TMEM128: variants seen among roughly 807,000 people sequenced by gnomAD.
TMEM128 encodes transmembrane protein 128.
TMEM128 carries 16 observed loss-of-function variants against 19.7 expected under a neutral mutation model. The observed-to-expected ratio is 0.81, with a 90% confidence interval of 0.55 to 1.23. TMEM128 has a LOEUF of 1.23. Ranked by LOEUF, TMEM128 falls within the 50% of genes most tolerant of loss-of-function variation. The pLI, the probability that TMEM128 is intolerant of heterozygous loss-of-function variation, is 0.00. For synonymous variants in TMEM128, 98 were observed against 75.8 expected (o/e 1.29, Z -1.52); for missense variants, 237 against 200.8 (o/e 1.18, Z -1.09).
intron 2 of TMEM128, among the ~76,000 whole-genome samples, chr4:4,242,300 T>TG (rs77550663): frequency 6.6e-6 from 1 of 151,538 alleles, no homozygotes; most frequent in Non-Finnish European, 1.5e-5. Flanking sequence ...GCAATCTCAC[T>TG]GGGGGGAGTA....
At chr4:4,244,780 C>T (rs1718100356) in intron 2 of TMEM128, among the ~76,000 whole-genome samples, 4 of 152,122 alleles carry the variant, frequency 2.6e-5, no homozygotes, top group Non-Finnish European at 4.4e-5. Flanking sequence ...TATGGGCAGC[C>T]GACTTGCAGC....
chr4:4,237,748 G>T (rs1717782783), intron 4 of TMEM128, 79 bp downstream of exon 4: 15 of 791,188 alleles, frequency 1.9e-5, no homozygotes. Context: ...GTCTGTTACA[G>T]CTCCATCCAC....
intron 1 of TMEM128, chr4:4,247,485 ATC>A: frequency 7.3e-7 from 1 of 1,376,044 alleles, no homozygotes; most frequent in Non-Finnish European, 1.0e-6. Flanking sequence ...AAAATGAAGT[ATC>A]TGTCTCCCAT....
intron 2 of TMEM128, 66 bp downstream of exon 2, chr4:4,246,136 A>T (rs1043995169): frequency 6.6e-7 from 1 of 1,516,498 alleles, no homozygotes; most frequent in South Asian, 1.3e-5. Context: ...GAAGAATTCA[A>T]CTAACAAAAT....
intron 2 of TMEM128, among the ~76,000 whole-genome samples, chr4:4,242,815 G>A (rs887396501): frequency 2.1e-4 from 32 of 151,904 alleles, no homozygotes; most frequent in African/African-American, 7.0e-4. Context: ...CACCATGCCC[G>A]GCCTAAGAAA....
chr4:4,237,746 C>G, intron 4 of TMEM128, 81 bp downstream of exon 4: 3 of 773,804 alleles, frequency 3.9e-6, no homozygotes, highest in Non-Finnish European at 6.7e-6. Flanking sequence ...TAGTCTGTTA[C>G]AGCTCCATCC....
intron 2 of TMEM128, 51 bp from the exon 3 acceptor site, chr4:4,240,530 CA>C (rs777594245): frequency 6.4e-7 from 1 of 1,566,740 alleles, no homozygotes; most frequent in Non-Finnish European, 8.6e-7. Context: ...TGAATCGTCA[CA>C]TATCTTAAAA....
At chr4:4,247,561 T>C (rs1718235216) in intron 1 of TMEM128, 3 of 1,613,940 alleles carry the variant, frequency 1.9e-6, no homozygotes, top group Admixed American at 1.7e-5. Context: ...AATTCTTCCA[T>C]ATTCTATGCA....
intron 1 of TMEM128, chr4:4,247,586 T>C (rs186310228): frequency 1.9e-4 from 310 of 1,614,204 alleles, no homozygotes; most frequent in African/African-American, 1.8e-3. Flanking sequence ...CAGGTGAACA[T>C]ACATCACAAG....
intron 4 of TMEM128, among the ~76,000 whole-genome samples, 172 bp downstream of exon 4, chr4:4,237,655 G>T (rs184502053): frequency 5.7e-4 from 87 of 152,304 alleles, no homozygotes; most frequent in East Asian, 5.0e-3. Context: ...AAACAAAAAG[G>T]AGTCTATCTC....
intron 3 of TMEM128, among the ~76,000 whole-genome samples, chr4:4,238,852 G>A (rs1324083314): frequency 6.6e-6 from 1 of 152,158 alleles, no homozygotes; most frequent in South Asian, 2.1e-4. Flanking sequence ...GAGCAGCACA[G>A]CGAAACCCCA....
At chr4:4,242,513 G>GA (rs993058610) in intron 2 of TMEM128, among the ~76,000 whole-genome samples, 6 of 140,000 alleles carry the variant, frequency 4.3e-5, no homozygotes, top group East Asian at 2.3e-4. Flanking sequence ...GTGGATATGA[G>GA]AAAAAAAAAA....
At chr4:4,241,933 T>C (rs1002637813) in intron 2 of TMEM128, among the ~76,000 whole-genome samples, 4 of 152,154 alleles carry the variant, frequency 2.6e-5, no homozygotes, top group Non-Finnish European at 5.9e-5. Flanking sequence ...GCCGGAGTCT[T>C]GCTCTGTTGC....
intron 2 of TMEM128, among the ~76,000 whole-genome samples, chr4:4,242,379 T>C (rs1466587518): frequency 6.6e-6 from 1 of 152,062 alleles, no homozygotes; most frequent in Non-Finnish European, 1.5e-5. Flanking sequence ...GCATGCAGTA[T>C]ATAAATGATA....
Position 4,246,103 on chromosome 4 carries a change from AGAG to A in TMEM128, c.239+96_239+98del, listed in dbSNP as rs1407016275. ...ACACCTCCAACACAGGGCCTGGCAG[AGAG>A]TAGTAGGTGCTTACTGTTTGAAGAA... On this transcript the variant is annotated intron_variant, in intron 2 of 4. Coordinates refer to ENST00000382753, the MANE Select transcript of TMEM128 (RefSeq NM_001297551.2). The A allele has an allele frequency of 2.1e-5, 26 of 1,248,046 alleles. No individual in the cohort carries two copies. In the East Asian group the frequency reaches 4.1e-4, roughly 20 times the overall value. 77.3% of individuals were successfully genotyped at this position (1,248,046 alleles called of 1,614,324 possible).
At chr4:4,242,137 A>G (rs1169833496) in intron 2 of TMEM128, among the ~76,000 whole-genome samples, 2 of 152,052 alleles carry the variant, frequency 1.3e-5, no homozygotes, top group African/African-American at 4.8e-5. Flanking sequence ...CGAATTCCTG[A>G]CCTCAAGTGA....
At chr4:4,245,026 G>A (rs1449316766) in intron 2 of TMEM128, among the ~76,000 whole-genome samples, 1 of 152,108 alleles carries the variant, frequency 6.6e-6, no homozygotes, top group Non-Finnish European at 1.5e-5. Flanking sequence ...TGCTCCTCCT[G>A]AAGGCCCTTG....
At chr4:4,240,717 A>G (rs919315175) in intron 2 of TMEM128, among the ~76,000 whole-genome samples, 15 of 152,232 alleles carry the variant, frequency 9.9e-5, no homozygotes, top group Non-Finnish European at 5.9e-5. Flanking sequence ...ATGCATTTAT[A>G]TATACACTCT....
intron 2 of TMEM128, among the ~76,000 whole-genome samples, chr4:4,244,960 C>T (rs1718109205): frequency 6.6e-6 from 1 of 152,190 alleles, no homozygotes; most frequent in African/African-American, 2.4e-5. Context: ...CCTCTGCCTA[C>T]TTTCCCCTGT....
Sources: gnomAD v4.1 joint callset for allele counts (sites outside exome capture counted in the v4.1 genomes callset) on GRCh38, gnomAD v4.1.1 for gene constraint, MANE v1.5 for transcripts, NCBI Gene and HGNC (gene_info 2026-07-23, HGNC 2026-07-21) for gene names.